CUX2: variants seen among roughly 807,000 people sequenced by gnomAD.
The protein encoded by CUX2 is homeobox protein cut-like 2.
In CUX2, 40 loss-of-function variants were observed where a neutral mutation model predicts 144.8. The observed-to-expected ratio is 0.28, with a 90% confidence interval of 0.21 to 0.36. CUX2 has a LOEUF of 0.36. CUX2 is among the 10% of genes least tolerant of loss of function. The probability of loss-of-function intolerance (pLI) is 1.00; values close to 1 mark genes in which losing one functional copy is unlikely to be tolerated. For synonymous variants in CUX2, 827 were observed against 875.6 expected, an observed-to-expected ratio of 0.94 and a Z score of 0.98; for missense variants, 1,615 against 1,994.0, an observed-to-expected ratio of 0.81 and a Z score of 3.62.
chr12:111,066,454 T>C (rs185173297), intron 1 of CUX2, among the ~76,000 whole-genome samples: 3 of 152,304 alleles, frequency 2.0e-5, no homozygotes, highest in Admixed American at 6.5e-5. Context: ...CCTGACACTT[T>C]TCACTTACCC....
At chr12:111,284,023 G>A (rs1156965166) in intron 4 of CUX2, among the ~76,000 whole-genome samples, 3 of 152,058 alleles carry the variant, frequency 2.0e-5, no homozygotes, top group Admixed American at 2.0e-4. Flanking sequence ...TCAGGCATCA[G>A]ACCAGCACCC....
chr12:111,135,864 G>C (rs1875849196), intron 1 of CUX2, among the ~76,000 whole-genome samples: 1 of 152,178 alleles, frequency 6.6e-6, no homozygotes, highest in Non-Finnish European at 1.5e-5. Context: ...TGGGTCTTGG[G>C]GTGATGAAAT....
At position 111,320,028 on chromosome 12, in the gene CUX2, G is replaced by T. The variant is rs1245635871; in HGVS notation, c.2019G>T (p.Ser673=). ...TCCCCGCAGGCGAGCCCAAGACCTC[G>T]GTGGCCCCGCTGAGCATCGCCAACG... ...ESQKGGEPKT[S]VAPLSIANGT... Residue 673 remains serine (S), a synonymous_variant, in exon 17 of 22, where the codon TCG becomes TCT. Coordinates refer to ENST00000261726, the MANE Select transcript of CUX2 (RefSeq NM_015267.4). The surrounding 1 kb of genome is among the most constrained non-coding windows in gnomAD (Gnocchi z 8.1). 77 of 1,532,756 alleles carry T rather than the reference G, an allele frequency of 5.0e-5. No homozygotes were observed. Among genetic ancestry groups the T allele is most frequent in the Non-Finnish European group, 6.7e-5 (77 of 1,145,256 alleles). 94.9% of individuals were successfully genotyped at this position (1,532,756 alleles called of 1,614,324 possible).
At chr12:111,207,127 T>C (rs897732942) in intron 1 of CUX2, among the ~76,000 whole-genome samples, 13 of 152,238 alleles carry the variant, frequency 8.5e-5, no homozygotes, top group African/African-American at 3.1e-4. Flanking sequence ...CAGTGGTTAC[T>C]GGCAGCCCCT....
At chr12:111,239,475 G>T (rs1003279462) in intron 3 of CUX2, among the ~76,000 whole-genome samples, 1 of 152,194 alleles carries the variant, frequency 6.6e-6, no homozygotes, top group East Asian at 1.9e-4. Context: ...TCGGGTGTAC[G>T]CCTTAGCAGG....
chr12:111,196,243 A>G (rs1880237459), intron 1 of CUX2, among the ~76,000 whole-genome samples: 1 of 152,128 alleles, frequency 6.6e-6, no homozygotes, highest in African/African-American at 2.4e-5. Flanking sequence ...ACCACGTTTT[A>G]TCCGTTCATC....
intron 1 of CUX2, among the ~76,000 whole-genome samples, chr12:111,172,620 A>C (rs996659609): frequency 1.3e-5 from 2 of 152,236 alleles, no homozygotes; most frequent in African/African-American, 4.8e-5. Flanking sequence ...CAGTTCCTGC[A>C]GCTGGGTGGA....
At chr12:111,102,072 AACC>A (rs1167033146) in intron 1 of CUX2, among the ~76,000 whole-genome samples, 1 of 152,232 alleles carries the variant, frequency 6.6e-6, no homozygotes, top group East Asian at 1.9e-4. Context: ...CACAATGTGT[AACC>A]CACTCTTTCT....
chr12:111,326,310 TGG>T (rs1887807365), intron 18 of CUX2, among the ~76,000 whole-genome samples: 1 of 32,012 alleles, frequency 3.1e-5, no homozygotes. Context: ...TATAGTGTTG[TGG>T]TGGGGGAGGG....
chr12:111,092,848 T>C, intron 1 of CUX2, among the ~76,000 whole-genome samples: 1 of 143,318 alleles, frequency 7.0e-6, no homozygotes, highest in African/African-American at 2.6e-5. Flanking sequence ...AAGTTCTCAC[T>C]ATGTTGCCCA....
At chr12:111,326,558 A>G (rs1185875579) in intron 18 of CUX2, among the ~76,000 whole-genome samples, 1 of 151,870 alleles carries the variant, frequency 6.6e-6, no homozygotes, top group Admixed American at 6.6e-5. Context: ...GTGGTGAGCC[A>G]CTGCGCCTGG....
At chr12:111,046,089 C>T (rs1869981343) in intron 1 of CUX2, among the ~76,000 whole-genome samples, 2 of 152,204 alleles carry the variant, frequency 1.3e-5, no homozygotes, top group East Asian at 1.9e-4. Context: ...ACCCCCACCA[C>T]ACCCTGTAAG....
In CUX2 at chr12:111,061,088, C is replaced by T. The variant is rs6489906; in HGVS notation, c.63+26848C>T. ...TTCCTTGGGGCTGTTCATGGGAGGCCTCCCCTCATGGCTGTGGCCCTGCAG... is the reference window on the plus strand; with the variant it reads ...TTCCTTGGGGCTGTTCATGGGAGGCTTCCCCTCATGGCTGTGGCCCTGCAG... On this transcript the variant is annotated intron_variant, in intron 1 of 21. Coordinates refer to ENST00000261726, the MANE Select transcript of CUX2 (RefSeq NM_015267.4). The surrounding 1 kb of genome is among the most constrained non-coding windows in gnomAD (Gnocchi z 4.2). 0.96 allele frequency among the ~76,000 whole-genome samples: 145,666 copies of T among 151,546 alleles called. 69,914 individuals carry two copies. The highest frequency in any genetic ancestry group is 1 in the East Asian group (5,149 of 5,150).
chr12:111,245,926 C>T (rs559822154), intron 3 of CUX2, among the ~76,000 whole-genome samples: 76 of 152,242 alleles, frequency 5.0e-4, no homozygotes, highest in Middle Eastern at 3.4e-3. Flanking sequence ...GATGAGACAA[C>T]AGGGAGGCGT....
rs1565934568 is a variant in CUX2 at position 111,342,063 on chromosome 12, T to C, written c.3659+10T>C. The C allele has an allele frequency of 6.2e-7, 1 of 1,605,576 alleles. No homozygotes were observed. The highest frequency in any genetic ancestry group is 1.1e-5 in the South Asian group (1 of 89,494). On this transcript the variant is annotated intron_variant, in intron 21 of 21. Coordinates refer to ENST00000261726, the MANE Select transcript of CUX2 (RefSeq NM_015267.4). ...GGTTCCACAACTACAGGTGGGACTA[T>C]GGGGGCGTACCCACAGGCGGGTGGC...
At chr12:111,062,434 G>A (rs1870823109) in intron 1 of CUX2, among the ~76,000 whole-genome samples, 2 of 152,238 alleles carry the variant, frequency 1.3e-5, no homozygotes. Context: ...AAGCTGTGTG[G>A]CCCCATTCAC....
rs1196159163 is a variant in CUX2, at chr12:111,304,519, C to T, written c.858+205C>T. On this transcript the variant is annotated intron_variant, in intron 10 of 21. Coordinates refer to ENST00000261726, the MANE Select transcript of CUX2 (RefSeq NM_015267.4). This position sits in a 1 kb window ranked among gnomAD's most constrained non-coding sequence, Gnocchi z 4.7. ...GCTACACCAGCTGAGGATAAAAATA[C>T]AGCTACAGTTCTTTACTTTTCAAGC... Among the ~76,000 whole-genome samples, 1 of 152,196 alleles carries T rather than the reference C, an allele frequency of 6.6e-6. No homozygotes were observed. The highest frequency in any genetic ancestry group is 2.4e-5 in the African/African-American group (1 of 41,460).
At chr12:111,146,636 A>AAC (rs893291810) in intron 1 of CUX2, among the ~76,000 whole-genome samples, 1 of 580 alleles carries the variant, frequency 1.7e-3, no homozygotes, top group African/African-American at 3.0e-3. Context: ...GAGGGTTAGT[A>AAC]ACGTGTATTT....
intron 4 of CUX2, among the ~76,000 whole-genome samples, chr12:111,275,491 C>T (rs1441862393): frequency 1.3e-5 from 2 of 152,164 alleles, no homozygotes; most frequent in Admixed American, 6.5e-5. Flanking sequence ...CCGCATGTGT[C>T]GGCTGGAAGG....
Sources: gnomAD v4.1 joint callset for allele counts (sites outside exome capture counted in the v4.1 genomes callset) on GRCh38, gnomAD v4.1.1 for gene constraint, Gnocchi (gnomAD v3.1) non-coding constraint, MANE v1.5 for transcripts, NCBI Gene and HGNC (gene_info 2026-07-23, HGNC 2026-07-21) for gene names.